Variants in SYT1 observed in about 807,000 individuals in gnomAD.
The protein encoded by SYT1 is synaptotagmin-1.
A neutral mutation model predicts 44.8 loss-of-function variants in SYT1; 8 were observed. The observed-to-expected ratio is 0.18, with a 90% CI of 0.10 to 0.32. The LOEUF is 0.32. SYT1 is among the 10% of genes least tolerant of loss of function. The pLI is 1.00. For synonymous variants in SYT1, 154 were observed against 188.8 expected (o/e 0.82, Z 1.51); for missense variants, 286 against 509.3 (o/e 0.56, Z 4.22).
chr12:79,104,571 A>T (rs1202560269), intron 3 of SYT1, among the ~76,000 whole-genome samples: 2 of 152,004 alleles, frequency 1.3e-5, no homozygotes, highest in Non-Finnish European at 2.9e-5. Context: ...ATAGGCAAGG[A>T]TCTCTTTATT....
chr12:79,434,420 T>C (rs777426820), intron 9 of SYT1, among the ~76,000 whole-genome samples: 3 of 152,218 alleles, frequency 2.0e-5, no homozygotes, highest in Non-Finnish European at 4.4e-5. Flanking sequence ...TAATGTAGTC[T>C]TCTCTAAGTA....
At chr12:79,360,919 C>T (rs965700520) in intron 9 of SYT1, among the ~76,000 whole-genome samples, 1 of 152,122 alleles carries the variant, frequency 6.6e-6, no homozygotes, top group Non-Finnish European at 1.5e-5. Flanking sequence ...GCACAGTTAT[C>T]CACAGAATGG....
intron 4 of SYT1, among the ~76,000 whole-genome samples, chr12:79,247,793 A>C (rs1876942270): frequency 6.6e-6 from 1 of 152,188 alleles, no homozygotes; most frequent in Non-Finnish European, 1.5e-5. Flanking sequence ...AAAAAAAATA[A>C]GAGTTGAAAA....
At chr12:79,351,819 G>T (rs957648117) in intron 8 of SYT1, among the ~76,000 whole-genome samples, 2 of 152,098 alleles carry the variant, frequency 1.3e-5, no homozygotes, top group African/African-American at 4.8e-5. Flanking sequence ...AGGGGGTTAT[G>T]ACCTAGATAA....
At chr12:79,436,218 G>A (rs12813825) in intron 9 of SYT1, among the ~76,000 whole-genome samples, 249 of 152,138 alleles carry the variant, frequency 1.6e-3, no homozygotes, top group Admixed American at 4.4e-3. Flanking sequence ...TAGGTTTTTC[G>A]GTCACTTGAA....
chr12:78,891,293 T>C (rs1400693040), intron 1 of SYT1, among the ~76,000 whole-genome samples: 1 of 151,864 alleles, frequency 6.6e-6, no homozygotes, highest in African/African-American at 2.4e-5. Context: ...CTATTATATA[T>C]TATCATCCAC....
chr12:78,955,641 C>A (rs1466459744), intron 1 of SYT1: 1 of 152,062 alleles, frequency 6.6e-6, no homozygotes, highest in Non-Finnish European at 1.5e-5. Flanking sequence ...CAAAGGCCCA[C>A]CTCTTAATGC....
chr12:79,363,734 C>CA lies in SYT1; in HGVS notation c.928+10130dup, dbSNP rs5799428. Among the ~76,000 whole-genome samples, 531 of 137,314 alleles carry CA rather than the reference C, an allele frequency of 3.9e-3. 1 individual carries two copies. The highest frequency in any genetic ancestry group is 7.7e-3 in the Middle Eastern group (2 of 260). The allele number at this position is 137,314 out of a possible 152,430, so 90.1% of individuals were successfully genotyped here. A position where few individuals can be genotyped will look rare whatever the true frequency, so the allele number is the denominator to read the frequency against. Reference sequence around the variant, plus strand: ...TGAGTGACAAAGCGTGTCCCTGTCTCAAAAAAAAAAAAAAATTGTACTTTA... The same window carrying CA: ...TGAGTGACAAAGCGTGTCCCTGTCTCAAAAAAAAAAAAAAAATTGTACTTTA... On this transcript the variant is annotated intron_variant, in intron 9 of 10. Transcript: ENST00000261205.
chr12:79,230,856 A>C (rs1875827409), intron 4 of SYT1, among the ~76,000 whole-genome samples: 1 of 152,186 alleles, frequency 6.6e-6, no homozygotes, highest in South Asian at 2.1e-4. Context: ...ACCTGAGGAA[A>C]ATGAGGGGCT....
At chr12:79,372,247 A>T (rs1459266507) in intron 9 of SYT1, among the ~76,000 whole-genome samples, 2 of 152,206 alleles carry the variant, frequency 1.3e-5, no homozygotes, top group Non-Finnish European at 2.9e-5. Context: ...AAGAAATTAA[A>T]TTAAATGAAA....
At chr12:79,218,727 A>G (rs922791673) in intron 4 of SYT1, among the ~76,000 whole-genome samples, 1 of 152,154 alleles carries the variant, frequency 6.6e-6, no homozygotes, top group Non-Finnish European at 1.5e-5. Context: ...GCTGAATGGT[A>G]TCTCTCAAGT....
chr12:78,897,867 A>G (rs1333926563), intron 1 of SYT1, among the ~76,000 whole-genome samples: 1 of 152,034 alleles, frequency 6.6e-6, no homozygotes, highest in Non-Finnish European at 1.5e-5. Flanking sequence ...TAGTGTACAC[A>G]GCACCTCTGC....
At chr12:79,167,874 T>A (rs1462404481) in intron 3 of SYT1, among the ~76,000 whole-genome samples, 1 of 151,970 alleles carries the variant, frequency 6.6e-6, no homozygotes, top group African/African-American at 2.4e-5. Context: ...TGTCAGGTCA[T>A]CAGGCATTAG....
chr12:78,885,682 T>C (rs1043824172), intron 1 of SYT1, among the ~76,000 whole-genome samples: 3 of 151,880 alleles, frequency 2.0e-5, no homozygotes, highest in Non-Finnish European at 4.4e-5. Context: ...CACTGAAAGC[T>C]TTTTTTCTGA....
chr12:79,151,029 C>T (rs1345077460), intron 3 of SYT1, among the ~76,000 whole-genome samples: 2 of 152,104 alleles, frequency 1.3e-5, no homozygotes, highest in Admixed American at 1.3e-4. Flanking sequence ...GCTAGTTTGT[C>T]AGGACCGTAA....
chr12:79,311,581 C>A lies in SYT1; in HGVS notation c.810+12030C>A, dbSNP rs1415419404. On this transcript the variant is annotated intron_variant, in intron 8 of 10. Transcript: ENST00000261205. ...GACACATGCACCCGTATGTTTATTG[C>A]GGCACTATTCACAATAGCAAAGACT... Among the ~76,000 whole-genome samples, 133 of 142,684 alleles carry A rather than the reference C, an allele frequency of 9.3e-4. 1 individual carries two copies. Among genetic ancestry groups the A allele is most frequent in the African/African-American group, 2.7e-3 (102 of 37,962 alleles). 93.6% of individuals were successfully genotyped at this position (142,684 alleles called of 152,430 possible).
At chr12:79,000,288 C>CTTTTTTTTTTT (rs559894598) in intron 2 of SYT1, among the ~76,000 whole-genome samples, 1 of 112,930 alleles carries the variant, frequency 8.9e-6, no homozygotes. Flanking sequence ...TTAACTGCTT[C>CTTTTTTTTTTT]TTTTTTTTTT....
At chr12:78,907,166 T>C (rs1211285016) in intron 1 of SYT1, among the ~76,000 whole-genome samples, 1 of 152,024 alleles carries the variant, frequency 6.6e-6, no homozygotes, top group East Asian at 1.9e-4. Flanking sequence ...GGGTGTCATG[T>C]TTCCCATTTT....
intron 9 of SYT1, among the ~76,000 whole-genome samples, chr12:79,384,162 A>C (rs1194240175): frequency 6.6e-6 from 1 of 152,204 alleles, no homozygotes; most frequent in Non-Finnish European, 1.5e-5. Context: ...GTGCTGAACT[A>C]TACAATAAAC....
Sources: gnomAD v4.1 joint callset for allele counts (sites outside exome capture counted in the v4.1 genomes callset) on GRCh38, gnomAD v4.1.1 for gene constraint, MANE v1.5 for transcripts, NCBI Gene and HGNC (gene_info 2026-07-23, HGNC 2026-07-21) for gene names.